IRF2: variants seen among roughly 807,000 people sequenced by gnomAD.
The protein encoded by IRF2 is interferon regulatory factor 2.
A neutral mutation model predicts 40.6 loss-of-function variants in IRF2; 15 were observed. The ratio of observed to expected loss-of-function variants is 0.37; its 90% CI spans 0.25 to 0.57. The LOEUF is 0.57. Among genes scored for constraint, IRF2 ranks in the 20% least tolerant of loss-of-function variants. The pLI, the probability that IRF2 is intolerant of heterozygous loss-of-function variation, is 0.77. For synonymous variants in IRF2, 151 were observed against 165.5 expected, an observed-to-expected ratio of 0.91 and a Z score of 0.67; for missense variants, 317 against 455.7, an observed-to-expected ratio of 0.70 and a Z score of 2.77.
intron 2 of IRF2, 97 bp downstream of exon 2, chr4:184,428,880 TA>T: frequency 1.0e-6 from 1 of 973,596 alleles, no homozygotes; most frequent in Non-Finnish European, 1.7e-6. Flanking sequence ...TGAATAAGCC[TA>T]AGATTTTGAA....
intron 1 of IRF2, among the ~76,000 whole-genome samples, chr4:184,473,723 C>T (rs1462341722): frequency 6.6e-6 from 1 of 151,110 alleles, no homozygotes; most frequent in Non-Finnish European, 1.5e-5. Context: ...AGCCCCTGGA[C>T]CGCCGCGGGG....
chr4:184,468,280 G>A (rs1232292089), intron 1 of IRF2, among the ~76,000 whole-genome samples: 1 of 136,766 alleles, frequency 7.3e-6, no homozygotes, highest in African/African-American at 3.5e-5. Flanking sequence ...CTGAGGTCAG[G>A]AGTTCGAGAC....
intron 6 of IRF2, among the ~76,000 whole-genome samples, chr4:184,406,242 T>C (rs2149895705): frequency 6.6e-6 from 1 of 151,102 alleles, no homozygotes; most frequent in East Asian, 1.9e-4. Context: ...CTTTTTTTTT[T>C]TTTTTTTGAG....
At chr4:184,412,128 T>C (rs1478583738) in intron 5 of IRF2, among the ~76,000 whole-genome samples, 1 of 151,910 alleles carries the variant, frequency 6.6e-6, no homozygotes. Context: ...AGGATTGATC[T>C]ACGTGGGTGC....
intron 1 of IRF2, among the ~76,000 whole-genome samples, chr4:184,473,554 C>G (rs1031151961): frequency 6.8e-6 from 1 of 147,746 alleles, no homozygotes; most frequent in East Asian, 2.0e-4. Flanking sequence ...GGAAGGAGGA[C>G]GCGGCGTCCC....
chr4:184,424,554 G>A (rs1318871960), intron 2 of IRF2, among the ~76,000 whole-genome samples: 1 of 152,136 alleles, frequency 6.6e-6, no homozygotes, highest in Non-Finnish European at 1.5e-5. Flanking sequence ...GTGCTAGCAC[G>A]TGAGCATGCT....
intron 7 of IRF2, among the ~76,000 whole-genome samples, chr4:184,395,530 AAAGC>A (rs1466573210): frequency 1.3e-5 from 2 of 152,226 alleles, no homozygotes; most frequent in African/African-American, 4.8e-5. Flanking sequence ...TGGAGAACAT[AAAGC>A]AAGAAAGGTG....
intron 6 of IRF2, among the ~76,000 whole-genome samples, chr4:184,399,562 A>G (rs1736595227): frequency 1.3e-5 from 2 of 152,212 alleles, no homozygotes; most frequent in Admixed American, 1.3e-4. Context: ...ATGAAAATCT[A>G]CCCAATTGTG....
At chr4:184,411,658 C>T (rs1049069960) in intron 5 of IRF2, among the ~76,000 whole-genome samples, 21 of 152,046 alleles carry the variant, frequency 1.4e-4, no homozygotes, top group African/African-American at 4.4e-4. Context: ...AACTGGGTCA[C>T]AATTTTTGAA....
chr4:184,415,562 T>C (rs916944489), intron 5 of IRF2, among the ~76,000 whole-genome samples: 1 of 152,258 alleles, frequency 6.6e-6, no homozygotes, highest in African/African-American at 2.4e-5. Context: ...AAAGAGGACA[T>C]GCCTTTCAAT....
chr4:184,438,592 G>A (rs1409786244), intron 1 of IRF2, among the ~76,000 whole-genome samples: 1 of 152,196 alleles, frequency 6.6e-6, no homozygotes, highest in Non-Finnish European at 1.5e-5. Context: ...GGCAGAGAGA[G>A]GGAGGGGGCA....
intron 7 of IRF2, among the ~76,000 whole-genome samples, chr4:184,394,195 T>C (rs1736362460): frequency 6.6e-6 from 1 of 152,170 alleles, no homozygotes; most frequent in Non-Finnish European, 1.5e-5. Context: ...GGTCTCAGTT[T>C]TCCTGAAAGC....
intron 1 of IRF2, among the ~76,000 whole-genome samples, chr4:184,447,214 A>T (rs996927845): frequency 2.6e-5 from 4 of 152,190 alleles, no homozygotes; most frequent in Admixed American, 6.5e-5. Flanking sequence ...GGCTCAAAAG[A>T]TAATAGCAAC....
intron 5 of IRF2, among the ~76,000 whole-genome samples, chr4:184,410,782 T>C (rs551944152): frequency 1.3e-5 from 2 of 152,352 alleles, no homozygotes; most frequent in Admixed American, 6.5e-5. Flanking sequence ...TTCTGATTTC[T>C]CCATTGAAGA....
chr4:184,461,115 G>A (rs1464538634), intron 1 of IRF2, among the ~76,000 whole-genome samples: 1 of 152,174 alleles, frequency 6.6e-6, no homozygotes, highest in Non-Finnish European at 1.5e-5. Flanking sequence ...GCTGGTTACA[G>A]TGTCTCCCCA....
chr4:184,416,334 A>C lies in IRF2; in HGVS notation c.411+1833T>G, dbSNP rs531956996. Among the ~76,000 whole-genome samples the C allele has an allele frequency of 6.3e-3, 945 of 151,018 alleles. 14 individuals carry two copies. Among genetic ancestry groups the C allele is most frequent in the African/African-American group, 0.022 (885 of 41,066 alleles). On this transcript the variant is annotated intron_variant, in intron 5 of 8. Coordinates refer to ENST00000393593, the MANE Select transcript of IRF2 (RefSeq NM_002199.4). ...CCTTGTCTCAAAAAAAAAACAAAAA[A>C]AAAAAAAAACGAAAAAAAAAACTGT...
intron 2 of IRF2, among the ~76,000 whole-genome samples, chr4:184,426,283 G>A (rs551278367): frequency 5.9e-5 from 9 of 152,102 alleles, no homozygotes; most frequent in South Asian, 2.1e-4. Flanking sequence ...CCCAAAGTGC[G>A]GGGATTACAG....
intron 1 of IRF2, among the ~76,000 whole-genome samples, chr4:184,431,375 G>C (rs2149904992): frequency 6.6e-6 from 1 of 152,294 alleles, no homozygotes; most frequent in African/African-American, 2.4e-5. Flanking sequence ...AACCTAACAG[G>C]ACACTGGAAA....
At chr4:184,449,804 TC>T (rs1337183930) in intron 1 of IRF2, among the ~76,000 whole-genome samples, 2 of 152,234 alleles carry the variant, frequency 1.3e-5, no homozygotes, top group Non-Finnish European at 1.5e-5. Context: ...GTACTGATGT[TC>T]ACCAACACTG....
Sources: allele counts gnomAD v4.1 joint callset (sites outside exome capture counted in the v4.1 genomes callset), GRCh38; gene constraint gnomAD v4.1.1; transcripts MANE v1.5; gene names NCBI Gene and HGNC (gene_info 2026-07-23, HGNC 2026-07-21).